Variants in PRKAA1 observed in about 807,000 individuals in gnomAD.
PRKAA1 encodes protein kinase AMP-activated catalytic subunit alpha 1.
A neutral mutation model predicts 56.9 loss-of-function variants in PRKAA1; 23 were observed. The observed-to-expected ratio is 0.40, with a 90% CI of 0.29 to 0.57. The LOEUF (loss-of-function observed/expected upper bound fraction) is 0.57. Ranked by LOEUF, PRKAA1 falls within the 20% of genes least tolerant of loss-of-function variation. The pLI, the probability that PRKAA1 is intolerant of heterozygous loss-of-function variation, is 0.39. For missense variants in PRKAA1, 413 were observed against 679.7 expected, an observed-to-expected ratio of 0.61 and a Z score of 4.36; for synonymous variants, 226 against 227.0, an observed-to-expected ratio of 1.00 and a Z score of 0.04.
chr5:40,786,605 C>G lies in PRKAA1; in HGVS notation c.128-9019G>C, dbSNP rs1000929392. ...AAAGATTAGTAATTAGAAGACAGGC[C>G]ACTGGAAATCATACAATCTGAAGAA... On this transcript the variant is annotated intron_variant, in intron 1 of 8. Coordinates refer to ENST00000397128, the MANE Select transcript of PRKAA1 (RefSeq NM_006251.6). Among the ~76,000 whole-genome samples, 3 of 151,114 alleles carry G rather than the reference C, an allele frequency of 2.0e-5. No homozygotes were observed. In the South Asian group the frequency reaches 6.3e-4, roughly 32 times the overall value.
intron 5 of PRKAA1, 138 bp downstream of exon 5, chr5:40,769,278 C>T: frequency 1.5e-6 from 1 of 674,158 alleles, no homozygotes; most frequent in Non-Finnish European, 2.5e-6. Flanking sequence ...AACCCTCATT[C>T]ACATATAAAT....
chr5:40,767,082 G>A (rs998227349), intron 6 of PRKAA1, among the ~76,000 whole-genome samples: 2 of 152,052 alleles, frequency 1.3e-5, no homozygotes, highest in South Asian at 2.1e-4. Flanking sequence ...TGTTACCCAG[G>A]CTGGTCTCAA....
intron 1 of PRKAA1, among the ~76,000 whole-genome samples, chr5:40,781,325 A>C (rs559098331): frequency 6.2e-4 from 95 of 152,276 alleles, no homozygotes; most frequent in Middle Eastern, 6.8e-3. Flanking sequence ...TAAGTCTCCA[A>C]AAATTTAACC....
In PRKAA1 at chr5:40,762,944, C is replaced by A; in HGVS notation, c.1514G>T (p.Arg505Met). The change falls in exon 9 of 9, where the codon AGG becomes ATG. Residue 505 changes from arginine (R) to methionine (M), a missense_variant. Physicochemically the swap from Arg to Met is moderately conservative, Grantham distance 91 (BLOSUM62 -1). Transcript: ENST00000397128. ...TTGAGCCTCAGCATCTGAATCACTC[C>A]TTTGGCAAGATCGATAGTTGCTAAC... ...GSVSNYRSCQRSDSDAEAQGK... is the reference protein window; with the variant it reads ...GSVSNYRSCQMSDSDAEAQGK... 1.2e-6 allele frequency: 2 copies of A among 1,614,110 alleles called. No homozygotes were observed. The highest frequency in any genetic ancestry group is 2.2e-5 in the South Asian group (2 of 91,070).
In PRKAA1 at chr5:40,761,479, T is replaced by C. The variant is rs1389298104; in HGVS notation, c.*1299A>G. 1.3e-5 allele frequency: 2 copies of C among 152,198 alleles called. No individual in the cohort carries two copies. Among genetic ancestry groups the C allele is most frequent in the Non-Finnish European group, 2.9e-5 (2 of 68,010 alleles). 9.4% of individuals were successfully genotyped at this position (152,198 alleles called of 1,614,324 possible). ...ATATATGCATAACTAGCTGTATCTATACATATATAGGTATAGAGAAAACAA... is the reference window on the plus strand; with the variant it reads ...ATATATGCATAACTAGCTGTATCTACACATATATAGGTATAGAGAAAACAA... On this transcript the variant is annotated 3_prime_UTR_variant, in exon 9 of 9. Transcript: ENST00000397128.
chr5:40,760,830 T>G lies in PRKAA1; in HGVS notation c.*1948A>C, dbSNP rs1331297395. 1.3e-5 allele frequency: 2 copies of G among 152,540 alleles called. No individual in the cohort carries two copies. Among genetic ancestry groups the G allele is most frequent in the Non-Finnish European group, 2.9e-5 (2 of 67,980 alleles). 9.4% of individuals were successfully genotyped at this position (152,540 alleles called of 1,614,324 possible). A position where few individuals can be genotyped will look rare whatever the true frequency, so the allele number is the denominator to read the frequency against. On this transcript the variant is annotated 3_prime_UTR_variant, in exon 9 of 9. Transcript: ENST00000397128. ...TCACTGTATTTGCCAAAAATAATCC[T>G]AAAATATGATTCTTAAAATAGAAAA...
At chr5:40,792,794 G>T (rs1744769159) in intron 1 of PRKAA1, among the ~76,000 whole-genome samples, 1 of 152,128 alleles carries the variant, frequency 6.6e-6, no homozygotes, top group Admixed American at 6.5e-5. Flanking sequence ...CAAGCATGGT[G>T]GCTCATGCCT....
intron 3 of PRKAA1, among the ~76,000 whole-genome samples, chr5:40,773,028 A>G (rs1448064872): frequency 6.6e-6 from 1 of 152,206 alleles, no homozygotes; most frequent in Non-Finnish European, 1.5e-5. Context: ...CCTGCTCCCA[A>G]GAAGTCATAT....
At chr5:40,797,309 A>G (rs1744967844) in intron 1 of PRKAA1, among the ~76,000 whole-genome samples, 1 of 152,250 alleles carries the variant, frequency 6.6e-6, no homozygotes, top group African/African-American at 2.4e-5. Context: ...AACTGTACTA[A>G]TAAAGTAATA....
intron 4 of PRKAA1, among the ~76,000 whole-genome samples, chr5:40,770,524 G>A (rs1335694884): frequency 1.3e-5 from 2 of 150,616 alleles, no homozygotes; most frequent in East Asian, 3.9e-4. Context: ...AAGAAAAGAA[G>A]AGATTCCTTT....
intron 3 of PRKAA1, among the ~76,000 whole-genome samples, chr5:40,772,713 A>T (rs142890073): frequency 8.1e-4 from 124 of 152,188 alleles, no homozygotes; most frequent in African/African-American, 1.5e-3. Flanking sequence ...GGCTCACTGC[A>T]GCCTCGGCTT....
In PRKAA1 at chr5:40,798,184, G is replaced by A; in HGVS notation, c.6C>T (p.Arg2=). The A allele has an allele frequency of 6.5e-7, 1 of 1,543,580 alleles. No individual in the cohort carries two copies. The highest frequency in any genetic ancestry group is 1.1e-5 in the South Asian group (1 of 87,356). The change falls in exon 1 of 9, where the codon CGC becomes CGT. Residue 2 remains arginine (R), a synonymous_variant. Coordinates refer to ENST00000397128, the MANE Select transcript of PRKAA1 (RefSeq NM_006251.6). Reference sequence around the variant, plus strand: ...CCATCTTTCTCCAGGAACTGAGTCTGCGCATGGCGCTGCGGGAGGGGGCGG... The same window carrying A: ...CCATCTTTCTCCAGGAACTGAGTCTACGCATGGCGCTGCGGGAGGGGGCGG... M[R]RLSSWRKMAT... is the part of the protein sequence containing the mutation.
At chr5:40,785,835 CACACAGAGAGAGAGAGAGAG>C (rs75633175) in intron 1 of PRKAA1, among the ~76,000 whole-genome samples, 22,459 of 141,988 alleles carry the variant, frequency 0.16, 1,864 homozygotes, top group African/African-American at 0.18. Context: ...CACACACACA[CACACAGAGAGAGAGAGAGAG>C]AGAGAGAGAG....
chr5:40,788,195 T>C (rs1744573851), intron 1 of PRKAA1, among the ~76,000 whole-genome samples: 1 of 152,184 alleles, frequency 6.6e-6, no homozygotes, highest in Non-Finnish European at 1.5e-5. Context: ...TGGAATAGGA[T>C]GGATAGCCCA....
chr5:40,769,581 G>T, intron 4 of PRKAA1, 78 bp from the exon 5 acceptor site: 1 of 1,158,468 alleles, frequency 8.6e-7, no homozygotes. Context: ...ATAAAATTGA[G>T]TTTGCATTAA....
chr5:40,797,972 C>T (rs2112121263), intron 1 of PRKAA1, 91 bp downstream of exon 1: 7 of 1,538,050 alleles, frequency 4.6e-6, no homozygotes, highest in Non-Finnish European at 6.2e-6. Context: ...AAAGAAGGGA[C>T]GCAGCGGGCG....
At chr5:40,797,778 A>C (rs1744997669) in intron 1 of PRKAA1, among the ~76,000 whole-genome samples, 1 of 152,030 alleles carries the variant, frequency 6.6e-6, no homozygotes, top group Non-Finnish European at 1.5e-5. Flanking sequence ...CCACCTGGGA[A>C]AGTTTGCACC....
Position 40,785,827 on chromosome 5 carries a change from C to T in PRKAA1, c.128-8241G>A, listed in dbSNP as rs1411969643. The stretch of plus-strand genomic sequence containing the variant: ...ATCCTTACAAGAAGAGGAGAGCACA[C>T]ACACACACACACAGAGAGAGAGAGA... On this transcript the variant is annotated intron_variant, in intron 1 of 8. Transcript: ENST00000397128. 4.6e-3 allele frequency among the ~76,000 whole-genome samples: 57 copies of T among 12,482 alleles called. 1 individual carries two copies. The Admixed American group carries it at 0.059, about 13-fold the overall frequency. 8.2% of individuals were successfully genotyped at this position (12,482 alleles called of 152,430 possible).
At chr5:40,795,008 T>TACACACACACACACAC (rs201435537) in intron 1 of PRKAA1, among the ~76,000 whole-genome samples, 20 of 149,948 alleles carry the variant, frequency 1.3e-4, no homozygotes, top group African/African-American at 4.9e-4. Context: ...TACATATATA[T>TACACACACACACACAC]ACACACACAC....
Sources: allele counts gnomAD v4.1 joint callset (sites outside exome capture counted in the v4.1 genomes callset), GRCh38; gene constraint gnomAD v4.1.1; transcripts MANE v1.5; gene names NCBI Gene and HGNC (gene_info 2026-07-23, HGNC 2026-07-21).